Variants in CNTN4 observed in about 807,000 individuals in gnomAD.
CNTN4 encodes contactin 4, also known as contactin-4.
In CNTN4, 77 loss-of-function variants were observed where a neutral mutation model predicts 122.5. That is an observed-to-expected ratio of 0.63 (90% confidence interval 0.52 to 0.76). The LOEUF (loss-of-function observed/expected upper bound fraction) is 0.76, where lower values mean the gene tolerates loss of function less well. CNTN4 is among the 30% of genes least tolerant of loss of function. CNTN4 has a pLI of 0.00. For missense variants in CNTN4, 1,256 were observed against 1,259.1 expected (o/e 1.00, Z 0.04); for synonymous variants, 512 against 447.0 (o/e 1.15, Z -1.83).
chr3:2,447,624 A>G (rs1159391109), intron 3 of CNTN4, among the ~76,000 whole-genome samples: 1 of 152,158 alleles, frequency 6.6e-6, no homozygotes, highest in Non-Finnish European at 1.5e-5. Context: ...TATATATTCA[A>G]TAAATTTATT....
chr3:2,784,068 A>G (rs1246199758), intron 6 of CNTN4, among the ~76,000 whole-genome samples: 3 of 152,224 alleles, frequency 2.0e-5, no homozygotes, highest in Non-Finnish European at 2.9e-5. Flanking sequence ...CAGATTGGTT[A>G]TCTTTACTAT....
intron 3 of CNTN4, among the ~76,000 whole-genome samples, chr3:2,567,807 A>G (rs906511353): frequency 5.3e-5 from 8 of 152,162 alleles, no homozygotes; most frequent in Non-Finnish European, 1.2e-4. Flanking sequence ...TCCTTTAAGA[A>G]TCAGTTCAAA....
chr3:2,595,171 T>C (rs2080708624), intron 4 of CNTN4, among the ~76,000 whole-genome samples: 1 of 152,240 alleles, frequency 6.6e-6, no homozygotes, highest in African/African-American at 2.4e-5. Context: ...TCCTTCAAAA[T>C]GTTGGCTAAT....
In CNTN4 at chr3:2,838,840, C is replaced by T. The variant is rs189634038; in HGVS notation, c.454+19259C>T. Among the ~76,000 whole-genome samples, 562 of 152,302 alleles carry T rather than the reference C, an allele frequency of 3.7e-3. 3 individuals are homozygous for T. The highest frequency in any genetic ancestry group is 0.013 in the African/African-American group (543 of 41,560). On this transcript the variant is annotated intron_variant, in intron 7 of 24. Transcript: ENST00000418658. The stretch of plus-strand genomic sequence containing the variant: ...CTCCATTAATAATGGACTGTCCCGC[C>T]GTAAGCTGTGAGTTTCCTCCCCAAC...
intron 3 of CNTN4, among the ~76,000 whole-genome samples, chr3:2,453,447 G>A (rs1192715477): frequency 6.6e-6 from 1 of 152,132 alleles, no homozygotes; most frequent in Non-Finnish European, 1.5e-5. Flanking sequence ...GTACTTATGA[G>A]GCACTTTCAC....
intron 12 of CNTN4, among the ~76,000 whole-genome samples, chr3:2,911,557 G>A (rs1447755778): frequency 6.6e-6 from 1 of 152,072 alleles, no homozygotes; most frequent in East Asian, 1.9e-4. Context: ...CCCAACCAAA[G>A]GAACAAATTA....
At chr3:2,543,797 A>T (rs2078128842) in intron 3 of CNTN4, among the ~76,000 whole-genome samples, 1 of 152,132 alleles carries the variant, frequency 6.6e-6, no homozygotes, top group South Asian at 2.1e-4. Flanking sequence ...ATTTAACTTT[A>T]TATTATACAT....
intron 8 of CNTN4, among the ~76,000 whole-genome samples, chr3:2,867,698 T>G (rs887056451): frequency 6.6e-6 from 1 of 151,914 alleles, no homozygotes; most frequent in African/African-American, 2.4e-5. Context: ...AAGATGTCAC[T>G]GTTTCCAGGA....
At chr3:2,209,052 T>C (rs2038489906) in intron 2 of CNTN4, among the ~76,000 whole-genome samples, 1 of 152,186 alleles carries the variant, frequency 6.6e-6, no homozygotes, top group Admixed American at 6.5e-5. Flanking sequence ...TTCTGAAGTG[T>C]ATTCCTGTAG....
At chr3:2,806,668 A>C (rs953960171) in intron 6 of CNTN4, among the ~76,000 whole-genome samples, 5 of 152,210 alleles carry the variant, frequency 3.3e-5, no homozygotes, top group Non-Finnish European at 2.9e-5. Context: ...TATAAGGTGA[A>C]AATGCTTATT....
At chr3:2,623,097 C>G (rs920269724) in intron 4 of CNTN4, among the ~76,000 whole-genome samples, 3 of 152,170 alleles carry the variant, frequency 2.0e-5, no homozygotes, top group Admixed American at 2.0e-4. Flanking sequence ...TGCTGCAAAG[C>G]ATTATAGAAA....
At position 2,385,441 on chromosome 3, in the gene CNTN4, A is replaced by G. The variant is rs1258954378; in HGVS notation, c.-89+46208A>G. ...ATATTCCTGGTGTCTTGTTCATAGC[A>G]GATGCTTGTATTAGTTTCTTAGGAC... On this transcript the variant is annotated intron_variant, in intron 3 of 24. Coordinates refer to ENST00000418658, the MANE Select transcript of CNTN4 (RefSeq NM_175607.3). This position sits in a 1 kb window ranked among gnomAD's most constrained non-coding sequence, Gnocchi z 4.0. 6.6e-6 allele frequency among the ~76,000 whole-genome samples: 1 copy of G among 152,036 alleles called. No homozygotes were observed. Among genetic ancestry groups the G allele is most frequent in the Non-Finnish European group, 1.5e-5 (1 of 68,024 alleles).
At chr3:2,886,406 A>G (rs561013026) in intron 9 of CNTN4, among the ~76,000 whole-genome samples, 6 of 139,628 alleles carry the variant, frequency 4.3e-5, no homozygotes, top group Non-Finnish European at 9.6e-5. Flanking sequence ...AAAATAAAAA[A>G]AAATATATTA....
In CNTN4 at chr3:3,008,624, C is replaced by T. The variant is rs1696879137; in HGVS notation, c.1487-17478C>T. ...AAAGAGAATACCCACCTCCCTAAGTCGTTCCGTGTCTAAGAAAGGTAACAT... is the reference window on the plus strand; with the variant it reads ...AAAGAGAATACCCACCTCCCTAAGTTGTTCCGTGTCTAAGAAAGGTAACAT... On this transcript the variant is annotated intron_variant, in intron 14 of 24. Transcript: ENST00000418658. Among the ~76,000 whole-genome samples the T allele has an allele frequency of 2.0e-5, 3 of 152,162 alleles. No individual in the cohort carries two copies. The South Asian group carries it at 6.2e-4, about 32-fold the overall frequency.
intron 2 of CNTN4, among the ~76,000 whole-genome samples, chr3:2,142,918 G>C (rs1356942807): frequency 1.3e-5 from 2 of 152,314 alleles, no homozygotes; most frequent in Admixed American, 1.3e-4. Flanking sequence ...GCAATTGCCA[G>C]GCAATGACAG....
chr3:2,756,274 T>C (rs1337207698), intron 6 of CNTN4, among the ~76,000 whole-genome samples: 3 of 152,080 alleles, frequency 2.0e-5, no homozygotes, highest in African/African-American at 7.2e-5. Flanking sequence ...TATGAGGAGG[T>C]GGGGCCTTTG....
intron 4 of CNTN4, among the ~76,000 whole-genome samples, chr3:2,575,797 T>TTTC (rs1240897898): frequency 1.5e-5 from 2 of 129,220 alleles, no homozygotes; most frequent in Non-Finnish European, 3.1e-5. Context: ...TATATTTTGC[T>TTTC]TTCTTCTTCT....
At chr3:2,339,016 T>G (rs1370590190) in intron 2 of CNTN4, among the ~76,000 whole-genome samples, 162 bp from the exon 3 acceptor site, 1 of 152,176 alleles carries the variant, frequency 6.6e-6, no homozygotes, top group Admixed American at 6.5e-5. Context: ...ACAATTCTAT[T>G]AAGCTGGAAA....
chr3:2,560,285 A>G (rs1445305406), intron 3 of CNTN4, among the ~76,000 whole-genome samples: 1 of 151,632 alleles, frequency 6.6e-6, no homozygotes, highest in Non-Finnish European at 1.5e-5. Flanking sequence ...GGACTACAGG[A>G]GTGCACCATC....
Sources: allele counts gnomAD v4.1 joint callset (sites outside exome capture counted in the v4.1 genomes callset), GRCh38; gene constraint gnomAD v4.1.1; non-coding constraint Gnocchi (gnomAD v3.1); transcripts MANE v1.5; gene names NCBI Gene and HGNC (gene_info 2026-07-23, HGNC 2026-07-21).